Variants in EFNA1 observed in about 807,000 individuals in gnomAD.
EFNA1 encodes the protein ephrin A1, also known as ephrin-A1.
In EFNA1, 8 loss-of-function variants were observed where a neutral mutation model predicts 23.2. The observed-to-expected ratio is 0.34, with a 90% confidence interval of 0.20 to 0.62. The LOEUF (loss-of-function observed/expected upper bound fraction) is 0.62, where lower values mean the gene tolerates loss of function less well. Ranked by LOEUF, EFNA1 falls within the 20% of genes least tolerant of loss-of-function variation. The probability of loss-of-function intolerance (pLI) is 0.75; values close to 1 mark genes in which losing one functional copy is unlikely to be tolerated. For missense variants in EFNA1, 217 were observed against 260.0 expected, an observed-to-expected ratio of 0.83 and a Z score of 1.14; for synonymous variants, 89 against 98.6, an observed-to-expected ratio of 0.90 and a Z score of 0.58.
At chr1:155,129,527 ACACACACACACACACACACACG>A (rs1366094400) in intron 1 of EFNA1, 1 of 148,398 alleles carries the variant, frequency 6.7e-6, no homozygotes, top group Non-Finnish European at 1.4e-5. Flanking sequence ...ACACACACAC[ACACACACACACACACACACACG>A]CACACCCTAT....
intron 2 of EFNA1, among the ~76,000 whole-genome samples, chr1:155,132,958 T>C (rs1664271785): frequency 6.6e-6 from 1 of 151,336 alleles, no homozygotes; most frequent in Non-Finnish European, 1.5e-5. Flanking sequence ...TCGCCCAGAC[T>C]GGAGTGCAGT....
chr1:155,130,831 T>G (rs1388019136), intron 1 of EFNA1: 1 of 983,748 alleles, frequency 1.0e-6, no homozygotes, highest in African/African-American at 1.8e-5. Flanking sequence ...GTGAGAGGAG[T>G]AAGGAAAGTG....
In EFNA1 at chr1:155,131,556, C is replaced by G. The variant is rs1444026141; in HGVS notation, c.310C>G (p.Leu104Val). 1.9e-6 allele frequency: 3 copies of G among 1,613,926 alleles called. No individual in the cohort carries two copies. Among genetic ancestry groups the G allele is most frequent in the Non-Finnish European group, 2.5e-6 (3 of 1,179,992 alleles). ...CAGTGCCAAGCATGGCCCGGAGAAG[C>G]TGTCTGAGAAGTTCCAGCGCTTCAC... The part of the protein sequence containing the change: ...RPSAKHGPEK[L>V]SEKFQRFTPF... Residue 104 changes from leucine (L) to valine (V), a missense_variant, in exon 2 of 5, where the codon CTG becomes GTG. Coordinates refer to ENST00000368407, the MANE Select transcript of EFNA1 (RefSeq NM_004428.3).
chr1:155,129,382 C>G (rs1182055949), intron 1 of EFNA1, among the ~76,000 whole-genome samples: 1 of 152,094 alleles, frequency 6.6e-6, no homozygotes, highest in African/African-American at 2.4e-5. Flanking sequence ...GAAGGAGCCT[C>G]TTCCTTACCC....
At chr1:155,129,013 TC>T (rs1664159876) in intron 1 of EFNA1, among the ~76,000 whole-genome samples, 1 of 152,112 alleles carries the variant, frequency 6.6e-6, no homozygotes, top group South Asian at 2.1e-4. Flanking sequence ...TGCCCCCCAC[TC>T]CCCTTGAGAA....
chr1:155,133,397 G>T (rs766929879), intron 2 of EFNA1, 106 bp from the exon 3 acceptor site: 79 of 1,270,224 alleles, frequency 6.2e-5, no homozygotes, highest in Non-Finnish European at 8.6e-5. Context: ...GGGAAGAGAA[G>T]AATGAAATTG....
chr1:155,130,867 AG>A, intron 1 of EFNA1: 1 of 985,374 alleles, frequency 1.0e-6, no homozygotes, highest in Non-Finnish European at 1.2e-6. Context: ...TGGAGGCTCC[AG>A]GCTAGCATGG....
At chr1:155,128,097 C>T in intron 1 of EFNA1, 28 bp downstream of exon 1, 2 of 1,604,572 alleles carry the variant, frequency 1.2e-6, no homozygotes, top group Non-Finnish European at 1.7e-6. Flanking sequence ...CGCTGGCAGC[C>T]TGGGCTCCCG....
At chr1:155,129,682 C>G (rs1389428102) in intron 1 of EFNA1, 1 of 152,450 alleles carries the variant, frequency 6.6e-6, no homozygotes, top group African/African-American at 2.4e-5. Flanking sequence ...ATGGGTGACT[C>G]AGGCCAGTGG....
intron 2 of EFNA1, among the ~76,000 whole-genome samples, chr1:155,132,929 GAGAC>G (rs1664271085): frequency 6.6e-6 from 1 of 150,678 alleles, no homozygotes; most frequent in African/African-American, 2.4e-5. Flanking sequence ...TTTTTTTTCT[GAGAC>G]AGAGTCTCGC....
intron 2 of EFNA1, among the ~76,000 whole-genome samples, chr1:155,132,537 C>T (rs1226145673): frequency 6.6e-6 from 1 of 151,508 alleles, no homozygotes; most frequent in Admixed American, 6.6e-5. Context: ...CATGAACCAC[C>T]GCGCATGGCC....
At position 155,133,539 on chromosome 1, in the gene EFNA1, G is replaced by A. The variant is rs143462709; in HGVS notation, c.425G>A (p.Arg142Lys). ...PIHQHEDRCLRLKVTVSGKIT... is the reference protein window; with the variant it reads ...PIHQHEDRCLKLKVTVSGKIT... ...CACCAGCATGAAGACCGCTGCTTGA[G>A]GTTGAAGGTGACTGTCAGTGGCAAA... Residue 142 changes from arginine to lysine, a missense_variant, in exon 3 of 5, where the codon AGG (arginine) becomes AAG (lysine). Physicochemically the swap from Arg to Lys is conservative, Grantham distance 26. Coordinates refer to ENST00000368407, the MANE Select transcript of EFNA1 (RefSeq NM_004428.3). 41 of 1,613,928 alleles carry A rather than the reference G, an allele frequency of 2.5e-5. No individual in the cohort carries two copies. The highest frequency in any genetic ancestry group is 3.5e-5 in the Non-Finnish European group (41 of 1,180,040).
rs1664208997 is a variant in EFNA1 at position 155,130,452 on chromosome 1, T to C, written c.93-887T>C. ...AATGAACTAGGGGAGGGGTGCTGGC[T>C]CCACCTTGGGAGGAGGGGAGAGGAG... On this transcript the variant is annotated intron_variant, in intron 1 of 4. Coordinates refer to ENST00000368407, the MANE Select transcript of EFNA1 (RefSeq NM_004428.3). 9 of 949,554 alleles carry C rather than the reference T, an allele frequency of 9.5e-6. No individual in the cohort carries two copies. In the South Asian group the frequency reaches 3.9e-4, roughly 42 times the overall value. 58.8% of individuals were successfully genotyped at this position (949,554 alleles called of 1,614,324 possible). A position where few individuals can be genotyped will look rare whatever the true frequency, so the allele number is the denominator to read the frequency against.
intron 1 of EFNA1, among the ~76,000 whole-genome samples, chr1:155,129,100 G>C (rs967012029): frequency 3.3e-4 from 51 of 152,264 alleles, no homozygotes; most frequent in African/African-American, 1.1e-3. Flanking sequence ...TTGTTAGGGT[G>C]GGGGAGAGAA....
rs755051226 is a variant in EFNA1 at position 155,134,018 on chromosome 1, T to C, written c.569T>C (p.Leu190Pro). ...GHSAAPRLFP[L>P]AWTVLLLPLL... The stretch of plus-strand genomic sequence containing the variant: ...AGTGCTGCCCCACGCCTCTTCCCAC[T>C]TGCCTGGACTGTGCTGCTCCTTCCA... The change falls in exon 5 of 5, where the codon CTT (leucine) becomes CCT (proline). Residue 190 changes from leucine to proline, a missense_variant. Coordinates refer to ENST00000368407, the MANE Select transcript of EFNA1 (RefSeq NM_004428.3). 2 of 1,614,150 alleles carry C rather than the reference T, an allele frequency of 1.2e-6. No individual in the cohort carries two copies. Among genetic ancestry groups the C allele is most frequent in the African/African-American group, 2.7e-5 (2 of 75,046 alleles).
At position 155,131,598 on chromosome 1, in the gene EFNA1, A is replaced by G. The variant is rs1426696305; in HGVS notation, c.352A>G (p.Lys118Glu). Reference sequence around the variant, plus strand: ...GCGCTTCACACCTTTCACCCTGGGCAAGGAGTTCAAAGAAGGACACAGCTA... The same window carrying G: ...GCGCTTCACACCTTTCACCCTGGGCGAGGAGTTCAAAGAAGGACACAGCTA... ...FQRFTPFTLG[K>E]EFKEGHSYYY... Residue 118 changes from lysine (K) to glutamate (E), a missense_variant, in exon 2 of 5, where the codon AAG becomes GAG. By Grantham distance (56) the Lys-to-Glu change is moderately conservative. Transcript: ENST00000368407. The G allele has an allele frequency of 1.2e-6, 2 of 1,613,622 alleles. No homozygotes were observed. The highest frequency in any genetic ancestry group is 1.7e-4 in the Middle Eastern group (1 of 5,954).
chr1:155,132,244 T>C (rs1361353134), intron 2 of EFNA1, among the ~76,000 whole-genome samples: 1 of 152,030 alleles, frequency 6.6e-6, no homozygotes, highest in Non-Finnish European at 1.5e-5. Context: ...TTTTATTTTA[T>C]TTTATTATTA....
intron 2 of EFNA1, among the ~76,000 whole-genome samples, chr1:155,132,597 G>GT (rs1471178241): frequency 4.0e-5 from 6 of 149,726 alleles, no homozygotes; most frequent in Non-Finnish European, 8.8e-5. Context: ...GGAGGCCGAG[G>GT]TGGGTGGATC....
At chr1:155,132,912 T>TTTTGTTTTTG (rs74452352) in intron 2 of EFNA1, among the ~76,000 whole-genome samples, 5 of 151,086 alleles carry the variant, frequency 3.3e-5, no homozygotes, top group Non-Finnish European at 7.4e-5. Flanking sequence ...TAGTTTTTGT[T>TTTTGTTTTTG]TTTTTGTTTT....
Sources: gnomAD v4.1 joint callset for allele counts (sites outside exome capture counted in the v4.1 genomes callset) on GRCh38, gnomAD v4.1.1 for gene constraint, MANE v1.5 for transcripts, NCBI Gene and HGNC (gene_info 2026-07-23, HGNC 2026-07-21) for gene names.